PPP1R9A: variants seen among roughly 807,000 people sequenced by gnomAD.
The protein encoded by PPP1R9A is protein phosphatase 1 regulatory subunit 9A.
A neutral mutation model predicts 141.9 loss-of-function variants in PPP1R9A; 59 were observed. The ratio of observed to expected loss-of-function variants is 0.42; its 90% CI spans 0.34 to 0.52. The LOEUF (loss-of-function observed/expected upper bound fraction) is 0.52, where lower values mean the gene tolerates loss of function less well. PPP1R9A is among the 20% of genes least tolerant of loss of function. The probability of loss-of-function intolerance (pLI) is 0.10; values close to 1 mark genes in which losing one functional copy is unlikely to be tolerated. For synonymous variants in PPP1R9A, 500 were observed against 569.7 expected, an observed-to-expected ratio of 0.88 and a Z score of 1.74; for missense variants, 1,444 against 1,611.9, an observed-to-expected ratio of 0.90 and a Z score of 1.78.
At chr7:95,080,124 A>G (rs1270783513) in intron 2 of PPP1R9A, among the ~76,000 whole-genome samples, 4 of 152,216 alleles carry the variant, frequency 2.6e-5, no homozygotes, top group African/African-American at 4.8e-5. Context: ...AGGGCATTCA[A>G]TTAGGAAAAG....
At chr7:95,263,558 G>A (rs1800768112) in intron 12 of PPP1R9A, among the ~76,000 whole-genome samples, 1 of 151,860 alleles carries the variant, frequency 6.6e-6, no homozygotes, top group African/African-American at 2.4e-5. Context: ...TGAGTAGCTG[G>A]GATTACAGGT....
chr7:95,049,939 A>G (rs1057149824), intron 2 of PPP1R9A, among the ~76,000 whole-genome samples: 5 of 152,196 alleles, frequency 3.3e-5, no homozygotes, highest in Non-Finnish European at 7.4e-5. Flanking sequence ...AAGTTTTGAC[A>G]GTTATGAATA....
At chr7:95,041,698 G>T (rs555280803) in intron 2 of PPP1R9A, among the ~76,000 whole-genome samples, 5 of 152,040 alleles carry the variant, frequency 3.3e-5, no homozygotes, top group Non-Finnish European at 7.4e-5. Flanking sequence ...AGGAATAATT[G>T]AATATTTATT....
intron 7 of PPP1R9A, among the ~76,000 whole-genome samples, chr7:95,207,738 T>C (rs1253035414): frequency 6.6e-6 from 1 of 152,166 alleles, no homozygotes; most frequent in Non-Finnish European, 1.5e-5. Flanking sequence ...AAAGTACCTA[T>C]AGATAAGTTA....
At chr7:95,121,499 A>G (rs1470985373) in intron 4 of PPP1R9A, among the ~76,000 whole-genome samples, 1 of 127,724 alleles carries the variant, frequency 7.8e-6, no homozygotes, top group Admixed American at 8.0e-5. Context: ...CTATCTATCT[A>G]TCTATCTATC....
At chr7:95,013,095 T>C (rs1216338296) in intron 2 of PPP1R9A, among the ~76,000 whole-genome samples, 1 of 152,094 alleles carries the variant, frequency 6.6e-6, no homozygotes, top group African/African-American at 2.4e-5. Context: ...GGTGTTGGAA[T>C]TGTAACAGGC....
chr7:95,242,304 A>T (rs186376514), intron 8 of PPP1R9A, among the ~76,000 whole-genome samples: 4 of 152,210 alleles, frequency 2.6e-5, no homozygotes, highest in Non-Finnish European at 5.9e-5. Flanking sequence ...ATAAAGTTCT[A>T]TGCAAATATT....
intron 2 of PPP1R9A, among the ~76,000 whole-genome samples, chr7:95,043,185 C>A (rs1435730463): frequency 1.3e-5 from 2 of 152,092 alleles, no homozygotes; most frequent in African/African-American, 4.8e-5. Flanking sequence ...TCTAGAGAGA[C>A]TTAAATTCCC....
chr7:95,270,813 G>T (rs1053898855), intron 14 of PPP1R9A, among the ~76,000 whole-genome samples: 1 of 152,150 alleles, frequency 6.6e-6, no homozygotes, highest in Non-Finnish European at 1.5e-5. Context: ...TGACCCAGAA[G>T]ATGTGTTCAA....
At chr7:95,235,086 TCTTCTAGACACTGG>T (rs1324778329) in intron 8 of PPP1R9A, among the ~76,000 whole-genome samples, 10 of 152,090 alleles carry the variant, frequency 6.6e-5, no homozygotes, top group African/African-American at 1.9e-4. Flanking sequence ...TCAGAAAAAC[TCTTCTAGACACTGG>T]CTTAGGCAAA....
At chr7:94,975,248 A>G (rs911461225) in intron 2 of PPP1R9A, among the ~76,000 whole-genome samples, 2 of 152,040 alleles carry the variant, frequency 1.3e-5, no homozygotes, top group African/African-American at 2.4e-5. Context: ...TTATTCATAG[A>G]TGAAGAAAAG....
chr7:95,081,585 CAGAG>C (rs1056268263), intron 2 of PPP1R9A, among the ~76,000 whole-genome samples: 2 of 152,016 alleles, frequency 1.3e-5, no homozygotes, highest in African/African-American at 2.4e-5. Context: ...CAAAATTAAA[CAGAG>C]AGAATAAAAA....
At chr7:94,916,744 TAAGA>T (rs1163895588) in intron 2 of PPP1R9A, among the ~76,000 whole-genome samples, 2 of 152,202 alleles carry the variant, frequency 1.3e-5, no homozygotes, top group Non-Finnish European at 1.5e-5. Flanking sequence ...AAACTTAGTA[TAAGA>T]ATGGTCATAT....
chr7:94,952,457 T>C (rs774617219), intron 2 of PPP1R9A, among the ~76,000 whole-genome samples: 1 of 152,210 alleles, frequency 6.6e-6, no homozygotes, highest in Non-Finnish European at 1.5e-5. Flanking sequence ...ATAATATCCT[T>C]TGAGTATATA....
intron 2 of PPP1R9A, among the ~76,000 whole-genome samples, chr7:95,031,913 T>A (rs1807741083): frequency 6.6e-6 from 1 of 152,204 alleles, no homozygotes; most frequent in Non-Finnish European, 1.5e-5. Flanking sequence ...AGTCAGTCAG[T>A]CACTCAGCTA....
intron 7 of PPP1R9A, among the ~76,000 whole-genome samples, chr7:95,219,823 G>A (rs1387315212): frequency 1.3e-5 from 2 of 152,012 alleles, no homozygotes; most frequent in Admixed American, 6.6e-5. Flanking sequence ...CTTACTTACT[G>A]TTATGCAACT....
In PPP1R9A at chr7:95,181,453, T is replaced by G. The variant is rs1388792141; in HGVS notation, c.1755-16896T>G. 2.7e-3 allele frequency among the ~76,000 whole-genome samples: 377 copies of G among 137,104 alleles called. 5 individuals are homozygous for G. The highest frequency in any genetic ancestry group is 9.6e-3 in the African/African-American group (359 of 37,354). 89.9% of individuals were successfully genotyped at this position (137,104 alleles called of 152,430 possible). A position where few individuals can be genotyped will look rare whatever the true frequency, so the allele number is the denominator to read the frequency against. On this transcript the variant is annotated intron_variant, in intron 5 of 19. Coordinates refer to ENST00000433360, the MANE Select transcript of PPP1R9A (RefSeq NM_001166160.2). The stretch of plus-strand genomic sequence containing the variant: ...GAATATATATATTCCATCATATATA[T>G]AGAATATATATAGAGAATATATATA...
In PPP1R9A at chr7:95,159,416, A is replaced by G. The variant is rs536076107; in HGVS notation, c.1650-2451A>G. ...AGGTCAAACACTTTATTCTTTTATT[A>G]TTATTATTAGTATTATACTTCAAGT... is the stretch of plus-strand genomic sequence containing the variant. On this transcript the variant is annotated intron_variant, in intron 4 of 19. Coordinates refer to ENST00000433360, the MANE Select transcript of PPP1R9A (RefSeq NM_001166160.2). Among the ~76,000 whole-genome samples the G allele has an allele frequency of 4.6e-5, 7 of 152,110 alleles. No individual in the cohort carries two copies. In the East Asian group the frequency reaches 1.2e-3, roughly 25 times the overall value.
chr7:95,111,438 A>G (rs1378716116), intron 3 of PPP1R9A, 47 bp downstream of exon 3: 3 of 1,509,304 alleles, frequency 2.0e-6, no homozygotes, highest in Admixed American at 2.0e-5. Context: ...CTATGTTAAT[A>G]ATACAGAATT....
Sources: gnomAD v4.1 joint callset for allele counts (sites outside exome capture counted in the v4.1 genomes callset) on GRCh38, gnomAD v4.1.1 for gene constraint, MANE v1.5 for transcripts, NCBI Gene and HGNC (gene_info 2026-07-23, HGNC 2026-07-21) for gene names.